Variants in ZYG11B observed in about 807,000 individuals in gnomAD.
ZYG11B encodes the protein zyg-11 family member B, cell cycle regulator, also known as protein zyg-11 homolog B.
In ZYG11B, 36 loss-of-function variants were observed where a neutral mutation model predicts 82.4. The observed-to-expected ratio is 0.44, with a 90% confidence interval of 0.33 to 0.58. The LOEUF is 0.58. ZYG11B is among the 20% of genes least tolerant of loss of function. The pLI, the probability that ZYG11B is intolerant of heterozygous loss-of-function variation, is 0.02. For synonymous variants in ZYG11B, 303 were observed against 312.8 expected (o/e 0.97, Z 0.33); for missense variants, 552 against 895.6 (o/e 0.62, Z 4.90).
chr1:52,747,579 T>G (rs899376786), intron 1 of ZYG11B, among the ~76,000 whole-genome samples: 2 of 149,666 alleles, frequency 1.3e-5, no homozygotes, highest in African/African-American at 4.9e-5. Flanking sequence ...GAACTCACTC[T>G]TTTTTTTTTC....
intron 1 of ZYG11B, among the ~76,000 whole-genome samples, chr1:52,726,961 G>A (rs1644289746): frequency 6.6e-6 from 1 of 151,014 alleles, no homozygotes; most frequent in Admixed American, 6.6e-5. Flanking sequence ...CATTCCCTTT[G>A]TCGCCCACTC....
intron 10 of ZYG11B, among the ~76,000 whole-genome samples, chr1:52,811,904 G>T (rs1645187114): frequency 6.6e-6 from 1 of 152,038 alleles, no homozygotes; most frequent in African/African-American, 2.4e-5. Flanking sequence ...GGTAGCGGTT[G>T]CCTGTAGCCC....
At chr1:52,781,598 C>G (rs2149945289) in intron 4 of ZYG11B, among the ~76,000 whole-genome samples, 1 of 152,252 alleles carries the variant, frequency 6.6e-6, no homozygotes, top group South Asian at 2.1e-4. Flanking sequence ...AATAAGCCCC[C>G]AAGATAATTC....
intron 1 of ZYG11B, among the ~76,000 whole-genome samples, chr1:52,754,889 A>C (rs1644559223): frequency 6.6e-6 from 1 of 151,832 alleles, no homozygotes; most frequent in African/African-American, 2.4e-5. Flanking sequence ...GATGTGAGAT[A>C]GGACTTTGTC....
intron 2 of ZYG11B, among the ~76,000 whole-genome samples, chr1:52,758,481 A>G (rs1644599312): frequency 6.6e-6 from 1 of 152,128 alleles, no homozygotes; most frequent in African/African-American, 2.4e-5. Context: ...TAAATAGTGG[A>G]GTCCTAATTC....
chr1:52,742,468 T>G (rs1644438092), intron 1 of ZYG11B, among the ~76,000 whole-genome samples: 1 of 150,526 alleles, frequency 6.6e-6, no homozygotes, highest in Admixed American at 6.6e-5. Context: ...AAATAAAAGA[T>G]AGAAAAAGAG....
intron 6 of ZYG11B, 68 bp downstream of exon 6, chr1:52,790,135 C>G: frequency 8.7e-7 from 1 of 1,154,054 alleles, no homozygotes; most frequent in Non-Finnish European, 1.2e-6. Flanking sequence ...TGGGTCATTT[C>G]TTACCATTTA....
Position 52,802,149 on chromosome 1 carries a change from A to G in ZYG11B, c.1695+10A>G, listed in dbSNP as rs1233705332. The G allele has an allele frequency of 6.2e-7, 1 of 1,607,698 alleles. No individual in the cohort carries two copies. Among genetic ancestry groups the G allele is most frequent in the Non-Finnish European group, 8.5e-7 (1 of 1,178,126 alleles). ...AGTTCTAGGACTTTTGGTAAGATATAAGCACTTCCTGCTAAGTTCCAAGCT... is the reference window on the plus strand; with the variant it reads ...AGTTCTAGGACTTTTGGTAAGATATGAGCACTTCCTGCTAAGTTCCAAGCT... On this transcript the variant is annotated intron_variant, in intron 10 of 13. Coordinates refer to ENST00000294353, the MANE Select transcript of ZYG11B (RefSeq NM_024646.3).
intron 10 of ZYG11B, among the ~76,000 whole-genome samples, chr1:52,809,517 A>C (rs1645166593): frequency 6.6e-6 from 1 of 152,134 alleles, no homozygotes; most frequent in South Asian, 2.1e-4. Context: ...TCTACTTTGA[A>C]TTTTATGGGG....
intron 10 of ZYG11B, among the ~76,000 whole-genome samples, chr1:52,812,432 T>G (rs1182332789): frequency 6.6e-6 from 1 of 152,232 alleles, no homozygotes; most frequent in Non-Finnish European, 1.5e-5. Flanking sequence ...AGACGGAGTC[T>G]CGCTCTGTTG....
intron 5 of ZYG11B, among the ~76,000 whole-genome samples, chr1:52,786,358 ACT>A (rs1340926449): frequency 2.6e-5 from 4 of 152,196 alleles, no homozygotes; most frequent in African/African-American, 7.2e-5. Flanking sequence ...CAACTCTGTG[ACT>A]CTACTAAAAT....
chr1:52,772,577 A>G, intron 3 of ZYG11B: 2 of 1,591,074 alleles, frequency 1.3e-6, no homozygotes, highest in Non-Finnish European at 1.7e-6. Context: ...ACTTCAACCA[A>G]GTGGGGAAGC....
chr1:52,763,504 G>A (rs1191882257), intron 2 of ZYG11B, among the ~76,000 whole-genome samples: 1 of 151,984 alleles, frequency 6.6e-6, no homozygotes, highest in African/African-American at 2.4e-5. Context: ...TTTTTTTGTA[G>A]AGACAGGGTC....
chr1:52,738,590 T>G (rs1280836808), intron 1 of ZYG11B, among the ~76,000 whole-genome samples: 3 of 151,392 alleles, frequency 2.0e-5, no homozygotes, highest in Non-Finnish European at 2.9e-5. Flanking sequence ...AATGTCATAT[T>G]TTTCTTTTCT....
At chr1:52,768,291 GA>G (rs1159499303) in intron 2 of ZYG11B, among the ~76,000 whole-genome samples, 2 of 152,084 alleles carry the variant, frequency 1.3e-5, no homozygotes, top group Non-Finnish European at 1.5e-5. Context: ...TATATGACCA[GA>G]AAAAAACCAG....
intron 10 of ZYG11B, among the ~76,000 whole-genome samples, chr1:52,812,834 C>T (rs374580064): frequency 1.3e-5 from 2 of 151,810 alleles, no homozygotes; most frequent in Non-Finnish European, 2.9e-5. Context: ...TTAGGTGACT[C>T]TCGTGCCTCA....
intron 2 of ZYG11B, among the ~76,000 whole-genome samples, chr1:52,760,922 A>G (rs1644624817): frequency 6.8e-6 from 1 of 146,528 alleles, no homozygotes; most frequent in Non-Finnish European, 1.5e-5. Context: ...GACACTATGC[A>G]CAGCTAATTT....
At chr1:52,751,070 A>G (rs4926929) in intron 1 of ZYG11B, among the ~76,000 whole-genome samples, 15,687 of 152,036 alleles carry the variant, frequency 0.1, 1,804 homozygotes, top group East Asian at 0.35. Context: ...CAGTGGTGCC[A>G]TCACGACTCA....
chr1:52,814,170 A>G (rs1645205601), intron 12 of ZYG11B, among the ~76,000 whole-genome samples: 1 of 151,996 alleles, frequency 6.6e-6, no homozygotes, highest in Non-Finnish European at 1.5e-5. Flanking sequence ...ATAGGCGCCC[A>G]CGACCACGCC....
Sources: allele counts gnomAD v4.1 joint callset (sites outside exome capture counted in the v4.1 genomes callset), GRCh38; gene constraint gnomAD v4.1.1; transcripts MANE v1.5; gene names NCBI Gene and HGNC (gene_info 2026-07-23, HGNC 2026-07-21).